Variants in UBA3 observed in about 807,000 individuals in gnomAD.
The protein encoded by UBA3 is NEDD8-activating enzyme E1 catalytic subunit.
Under a neutral mutation model 73.5 loss-of-function variants are expected in UBA3, and 26 were observed. The ratio of observed to expected loss-of-function variants is 0.35; its 90% CI spans 0.26 to 0.49. UBA3 has a LOEUF of 0.49. UBA3 is among the 20% of genes least tolerant of loss of function. The pLI, the probability that UBA3 is intolerant of heterozygous loss-of-function variation, is 0.98. For synonymous variants in UBA3, 217 were observed against 191.2 expected (o/e 1.13, Z -1.11); for missense variants, 495 against 555.6 (o/e 0.89, Z 1.10).
In UBA3 at chr3:69,056,594, G is replaced by A; in HGVS notation, c.1083+18C>T. On this transcript the variant is annotated intron_variant, in intron 14 of 17. Coordinates refer to ENST00000361055, the MANE Select transcript of UBA3 (RefSeq NM_003968.4). Reference sequence around the variant, plus strand: ...TCAAAATATGCATGATCAAAAATGTGTTCTTAATACTACTAACCTTTCTTT... The same window carrying A: ...TCAAAATATGCATGATCAAAAATGTATTCTTAATACTACTAACCTTTCTTT... 1 of 1,578,058 alleles carries A rather than the reference G, an allele frequency of 6.3e-7. No homozygotes were observed. The highest frequency in any genetic ancestry group is 1.4e-5 in the African/African-American group (1 of 73,614).
chr3:69,079,269 A>C (rs2092197634), intron 2 of UBA3, among the ~76,000 whole-genome samples: 1 of 152,236 alleles, frequency 6.6e-6, no homozygotes, highest in South Asian at 2.1e-4. Flanking sequence ...TTTAATTGTG[A>C]TTTCATGTAA....
At chr3:69,066,426 C>T (rs1011515030) in intron 6 of UBA3, among the ~76,000 whole-genome samples, 4 of 148,016 alleles carry the variant, frequency 2.7e-5, no homozygotes, top group Non-Finnish European at 4.5e-5. Context: ...AAAGTTCTAT[C>T]GTTTTATGGT....
At chr3:69,065,482 A>T (rs1169718979) in intron 6 of UBA3, among the ~76,000 whole-genome samples, 2 of 152,174 alleles carry the variant, frequency 1.3e-5, no homozygotes, top group Non-Finnish European at 2.9e-5. Context: ...CACCCCAGGC[A>T]ACACACATAA....
At chr3:69,062,891 TAAC>T in intron 9 of UBA3, 88 bp downstream of exon 9, 1 of 1,472,124 alleles carries the variant, frequency 6.8e-7, no homozygotes, top group African/African-American at 1.4e-5. Flanking sequence ...CACTTCTAAT[TAAC>T]AATCCTAAAT....
chr3:69,073,714 C>G (rs2092141105), intron 4 of UBA3, among the ~76,000 whole-genome samples: 1 of 151,314 alleles, frequency 6.6e-6, no homozygotes, highest in Non-Finnish European at 1.5e-5. Flanking sequence ...CGGCTCACTG[C>G]AAGCTCTGCC....
chr3:69,074,706 T>C (rs906493339), intron 4 of UBA3, among the ~76,000 whole-genome samples: 3 of 152,160 alleles, frequency 2.0e-5, no homozygotes, highest in Non-Finnish European at 4.4e-5. Context: ...ATTTGTTACA[T>C]AAACTCATTA....
At chr3:69,069,645 T>G (rs920044129) in intron 5 of UBA3, among the ~76,000 whole-genome samples, 1 of 152,146 alleles carries the variant, frequency 6.6e-6, no homozygotes, top group African/African-American at 2.4e-5. Flanking sequence ...TTCTCTCCAA[T>G]AAAGCACTGT....
At chr3:69,070,835 G>T (rs113054348) in intron 5 of UBA3, among the ~76,000 whole-genome samples, 1 of 151,860 alleles carries the variant, frequency 6.6e-6, no homozygotes, top group Non-Finnish European at 1.5e-5. Flanking sequence ...TTGTAGAGAC[G>T]AAATCTCCCT....
intron 11 of UBA3, among the ~76,000 whole-genome samples, chr3:69,060,392 AC>A (rs1371559801): frequency 2.0e-5 from 3 of 152,226 alleles, no homozygotes; most frequent in Non-Finnish European, 4.4e-5. Flanking sequence ...GTGGCTAGTA[AC>A]ATCAAAGAAT....
In UBA3 at chr3:69,075,676, G is replaced by C. The variant is rs536663879; in HGVS notation, c.184-166C>G. On this transcript the variant is annotated intron_variant, in intron 3 of 17. Coordinates refer to ENST00000361055, the MANE Select transcript of UBA3 (RefSeq NM_003968.4). ...TTATTTGAAATTTGTGAATTCTATTGAACCAGGAATTCTAAAACTCTAATG... is the reference window on the plus strand; with the variant it reads ...TTATTTGAAATTTGTGAATTCTATTCAACCAGGAATTCTAAAACTCTAATG... Among the ~76,000 whole-genome samples the C allele has an allele frequency of 1.1e-4, 16 of 152,090 alleles. No individual in the cohort carries two copies. In the South Asian group the frequency reaches 3.3e-3, roughly 32 times the overall value.
At chr3:69,067,563 T>C (rs1050306659) in intron 6 of UBA3, among the ~76,000 whole-genome samples, 1 of 152,202 alleles carries the variant, frequency 6.6e-6, no homozygotes, top group African/African-American at 2.4e-5. Flanking sequence ...ATATTGACTG[T>C]CTACTCTGTC....
intron 14 of UBA3, 150 bp downstream of exon 14, chr3:69,056,460 TAG>T: frequency 1.2e-6 from 1 of 856,838 alleles, no homozygotes; most frequent in Admixed American, 3.2e-5. Context: ...TACTTCGCTA[TAG>T]AGTTATTTCA....
At chr3:69,076,756 T>A (rs1176368369) in intron 3 of UBA3, among the ~76,000 whole-genome samples, 1 of 151,590 alleles carries the variant, frequency 6.6e-6, no homozygotes, top group Non-Finnish European at 1.5e-5. Flanking sequence ...TCTTTTCTTT[T>A]TTTCTTTCTT....
At chr3:69,076,247 A>C (rs2092165780) in intron 3 of UBA3, among the ~76,000 whole-genome samples, 1 of 152,166 alleles carries the variant, frequency 6.6e-6, no homozygotes, top group Admixed American at 6.5e-5. Context: ...TAAGGTAAAA[A>C]GAGTAACAGG....
chr3:69,057,246 T>A lies in UBA3; in HGVS notation c.964+10A>T. On this transcript the variant is annotated intron_variant, in intron 12 of 17. Coordinates refer to ENST00000361055, the MANE Select transcript of UBA3 (RefSeq NM_003968.4). ...CAAAATAAACTAAGTGATGGCCTTT[T>A]CTTCCTCACCTGCAATGACTGCATT... 6.2e-7 allele frequency: 1 copy of A among 1,607,054 alleles called. No homozygotes were observed. Among genetic ancestry groups the A allele is most frequent in the Non-Finnish European group, 8.5e-7 (1 of 1,178,436 alleles).
At chr3:69,079,920 C>A (rs2092203564) in intron 2 of UBA3, 192 bp downstream of exon 2, 1 of 552,308 alleles carries the variant, frequency 1.8e-6, no homozygotes, top group Non-Finnish European at 3.1e-6. Flanking sequence ...ACGCCCGCAC[C>A]GGGCAGATAC....
intron 3 of UBA3, among the ~76,000 whole-genome samples, chr3:69,075,890 C>A (rs377140774): frequency 2.6e-5 from 4 of 152,064 alleles, no homozygotes; most frequent in Non-Finnish European, 2.9e-5. Context: ...CACTACCACA[C>A]CTGGCTAATT....
At chr3:69,069,965 T>TCA (rs1294022141) in intron 5 of UBA3, among the ~76,000 whole-genome samples, 2 of 152,228 alleles carry the variant, frequency 1.3e-5, no homozygotes, top group African/African-American at 4.8e-5. Flanking sequence ...AAATGGCCTT[T>TCA]CACACACATC....
chr3:69,056,381 G>T (rs1009778377), intron 14 of UBA3, 98 bp from the exon 15 acceptor site: 1 of 1,089,470 alleles, frequency 9.2e-7, no homozygotes, highest in Non-Finnish European at 1.3e-6. Flanking sequence ...TTATAATCAT[G>T]CATATTTCCT....
Sources: gnomAD v4.1 joint callset for allele counts (sites outside exome capture counted in the v4.1 genomes callset) on GRCh38, gnomAD v4.1.1 for gene constraint, MANE v1.5 for transcripts, NCBI Gene and HGNC (gene_info 2026-07-23, HGNC 2026-07-21) for gene names.